The following TTC29 variants were observed in gnomAD, a reference collection of about 807,000 sequenced individuals.
TTC29 encodes tetratricopeptide repeat protein 29.
TTC29 carries 49 observed loss-of-function variants against 58.1 expected under a neutral mutation model. The ratio of observed to expected loss-of-function variants is 0.84; its 90% CI spans 0.67 to 1.07. The LOEUF (loss-of-function observed/expected upper bound fraction) is 1.07, where lower values mean the gene tolerates loss of function less well. TTC29 is among the 50% of genes least tolerant of loss of function. The pLI is 0.00. For synonymous variants in TTC29, 209 were observed against 196.8 expected (o/e 1.06, Z -0.52); for missense variants, 582 against 555.6 (o/e 1.05, Z -0.48).
chr4:146,809,444 A>G (rs775972731), intron 10 of TTC29, among the ~76,000 whole-genome samples: 1 of 150,148 alleles, frequency 6.7e-6, no homozygotes, highest in Non-Finnish European at 1.5e-5. Flanking sequence ...ATCAGAGTGA[A>G]CAGACAACCT....
At chr4:146,900,389 G>A (rs1579943525) in intron 6 of TTC29, among the ~76,000 whole-genome samples, 1 of 152,126 alleles carries the variant, frequency 6.6e-6, no homozygotes, top group Non-Finnish European at 1.5e-5. Flanking sequence ...AAATATGAGT[G>A]TATTTCATCA....
intron 11 of TTC29, among the ~76,000 whole-genome samples, chr4:146,795,967 A>G (rs1749808011): frequency 6.6e-6 from 1 of 152,212 alleles, no homozygotes; most frequent in South Asian, 2.1e-4. Flanking sequence ...AAATGGGGTG[A>G]CAGCTGAGTT....
intron 11 of TTC29, among the ~76,000 whole-genome samples, chr4:146,752,019 C>T (rs981319831): frequency 1.3e-5 from 2 of 151,938 alleles, no homozygotes; most frequent in Admixed American, 1.3e-4. Context: ...GACAGGGATG[C>T]CCTCTCTCAC....
intron 6 of TTC29, among the ~76,000 whole-genome samples, chr4:146,893,341 C>G (rs1388071597): frequency 6.6e-6 from 1 of 152,112 alleles, no homozygotes; most frequent in South Asian, 2.1e-4. Context: ...ACATATAGAC[C>G]AATGGAACAG....
At chr4:146,744,887 G>C (rs539111626) in intron 11 of TTC29, among the ~76,000 whole-genome samples, 2 of 152,276 alleles carry the variant, frequency 1.3e-5, no homozygotes, top group East Asian at 3.9e-4. Context: ...CAAGACGTGT[G>C]AGTTGTATTA....
intron 7 of TTC29, among the ~76,000 whole-genome samples, chr4:146,867,810 TCATA>T (rs1310428328): frequency 2.0e-5 from 3 of 152,152 alleles, no homozygotes; most frequent in Non-Finnish European, 1.5e-5. Flanking sequence ...ATTATATACC[TCATA>T]CATGACATAC....
At chr4:146,797,524 A>T (rs1561133832) in intron 11 of TTC29, among the ~76,000 whole-genome samples, 1 of 151,862 alleles carries the variant, frequency 6.6e-6, no homozygotes, top group Non-Finnish European at 1.5e-5. Flanking sequence ...ATACAATTCT[A>T]GGTTTGATGC....
chr4:146,752,475 C>T (rs1352718501), intron 11 of TTC29, among the ~76,000 whole-genome samples: 1 of 151,664 alleles, frequency 6.6e-6, no homozygotes, highest in Non-Finnish European at 1.5e-5. Flanking sequence ...GGCCATACTG[C>T]CCCAGGTAAT....
chr4:146,773,598 T>G (rs1747879423), intron 11 of TTC29, among the ~76,000 whole-genome samples: 1 of 152,162 alleles, frequency 6.6e-6, no homozygotes, highest in African/African-American at 2.4e-5. Flanking sequence ...ATCTACTTGA[T>G]CATAGATTAG....
At chr4:146,907,511 GTT>G (rs1733600596) in intron 5 of TTC29, among the ~76,000 whole-genome samples, 1 of 152,122 alleles carries the variant, frequency 6.6e-6, no homozygotes, top group South Asian at 2.1e-4. Flanking sequence ...TGTTTGTTTT[GTT>G]TTGAGATGGA....
intron 11 of TTC29, among the ~76,000 whole-genome samples, chr4:146,737,839 T>C (rs1744838698): frequency 6.6e-6 from 1 of 152,186 alleles, no homozygotes; most frequent in Non-Finnish European, 1.5e-5. Flanking sequence ...AAATCTTTTT[T>C]TTCCCTCCCC....
chr4:146,801,799 A>G (rs1185532341), intron 11 of TTC29, among the ~76,000 whole-genome samples: 1 of 151,540 alleles, frequency 6.6e-6, no homozygotes, highest in African/African-American at 2.4e-5. Context: ...AGACTGTGAA[A>G]CCCCATCTCT....
intron 11 of TTC29, among the ~76,000 whole-genome samples, chr4:146,715,586 G>A (rs905404030): frequency 6.6e-6 from 1 of 152,130 alleles, no homozygotes; most frequent in Non-Finnish European, 1.5e-5. Context: ...GTAGAGAATA[G>A]GATAGTGGGT....
In TTC29 at chr4:146,725,857, T is replaced by A. The variant is rs551220127; in HGVS notation, c.1331-18306A>T. ...AAATTACATATCAACTTGAATAGAG[T>A]CCCTTACACCTATACACCTATTCTA... On this transcript the variant is annotated intron_variant, in intron 11 of 12. Transcript: ENST00000325106. Among the ~76,000 whole-genome samples the A allele has an allele frequency of 2.0e-5, 3 of 152,104 alleles. No individual in the cohort carries two copies. The East Asian group carries it at 5.8e-4, about 30-fold the overall frequency.
chr4:146,942,540 G>A (rs1056751904), intron 2 of TTC29: 4 of 1,321,656 alleles, frequency 3.0e-6, no homozygotes, highest in African/African-American at 1.4e-5. Context: ...TGTGAGGTTT[G>A]AAGGGACACC....
At chr4:146,709,651 C>A (rs1202235566) in intron 11 of TTC29, among the ~76,000 whole-genome samples, 1 of 152,004 alleles carries the variant, frequency 6.6e-6, no homozygotes, top group African/African-American at 2.4e-5. Flanking sequence ...ATTAAGTAGA[C>A]CCTTACACTT....
intron 10 of TTC29, 129 bp downstream of exon 10, chr4:146,819,996 G>A (rs2150139722): frequency 8.3e-7 from 1 of 1,204,850 alleles, no homozygotes; most frequent in Non-Finnish European, 1.2e-6. Context: ...ACTACACCCT[G>A]CAGTCCAGGG....
intron 11 of TTC29, among the ~76,000 whole-genome samples, chr4:146,710,969 A>G (rs1171656158): frequency 6.6e-6 from 1 of 152,170 alleles, no homozygotes; most frequent in Non-Finnish European, 1.5e-5. Context: ...TTCTATGTAA[A>G]CAAGATTTTA....
intron 8 of TTC29, among the ~76,000 whole-genome samples, chr4:146,847,945 C>G (rs573661369): frequency 1.3e-5 from 2 of 152,344 alleles, no homozygotes; most frequent in South Asian, 4.1e-4. Context: ...ACTGAGGGAA[C>G]TTCACAGGTA....
Sources: gnomAD v4.1 joint callset for allele counts (sites outside exome capture counted in the v4.1 genomes callset) on GRCh38, gnomAD v4.1.1 for gene constraint, MANE v1.5 for transcripts, NCBI Gene and HGNC (gene_info 2026-07-23, HGNC 2026-07-21) for gene names.